The following MTUS2 variants were observed in gnomAD, a reference collection of about 807,000 sequenced individuals.
MTUS2 encodes microtubule-associated tumor suppressor candidate 2.
In MTUS2, 40 loss-of-function variants were observed where a neutral mutation model predicts 114.1. The observed-to-expected ratio is 0.35, with a 90% CI of 0.27 to 0.46. MTUS2 has a LOEUF of 0.46. MTUS2 is among the 20% of genes least tolerant of loss of function. MTUS2 has a pLI of 1.00. For synonymous variants in MTUS2, 688 were observed against 672.0 expected (o/e 1.02, Z -0.37); for missense variants, 1,679 against 1,705.4 (o/e 0.98, Z 0.27).
At chr13:29,354,455 A>C (rs937064003) in intron 7 of MTUS2, among the ~76,000 whole-genome samples, 1 of 152,132 alleles carries the variant, frequency 6.6e-6, no homozygotes, top group Non-Finnish European at 1.5e-5. Context: ...TAAGTTTCCT[A>C]AAGTTGAAAA....
At chr13:28,916,578 T>C (rs1880757440) in intron 2 of MTUS2, among the ~76,000 whole-genome samples, 1 of 151,898 alleles carries the variant, frequency 6.6e-6, no homozygotes, top group African/African-American at 2.4e-5. Context: ...TAAAATTTCT[T>C]TTTCAGATTG....
intron 2 of MTUS2, among the ~76,000 whole-genome samples, chr13:28,915,239 C>T (rs1351134585): frequency 6.6e-6 from 1 of 151,844 alleles, no homozygotes; most frequent in Non-Finnish European, 1.5e-5. Context: ...CTATTTTGAG[C>T]AGTGCTGCAA....
chr13:29,079,334 T>C (rs144582892), intron 4 of MTUS2, among the ~76,000 whole-genome samples: 8 of 152,352 alleles, frequency 5.3e-5, no homozygotes, highest in Middle Eastern at 3.4e-3. Flanking sequence ...TAGACACTTA[T>C]TTGCAAATAT....
intron 2 of MTUS2, among the ~76,000 whole-genome samples, chr13:28,940,323 C>A (rs1405923182): frequency 6.6e-6 from 1 of 152,090 alleles, no homozygotes; most frequent in Non-Finnish European, 1.5e-5. Flanking sequence ...TACAGTGTGG[C>A]TTAACCTGAA....
intron 2 of MTUS2, among the ~76,000 whole-genome samples, chr13:28,925,531 G>A (rs1166287471): frequency 2.0e-5 from 3 of 152,144 alleles, no homozygotes; most frequent in Admixed American, 2.0e-4. Flanking sequence ...AAAATCTTAA[G>A]TGCCATTTGA....
intron 2 of MTUS2, among the ~76,000 whole-genome samples, chr13:28,962,991 CT>C (rs2138219423): frequency 6.6e-6 from 1 of 152,272 alleles, no homozygotes; most frequent in South Asian, 2.1e-4. Context: ...CATAAACATA[CT>C]GTAATTGAGC....
chr13:29,065,802 T>C (rs912210067), intron 4 of MTUS2, among the ~76,000 whole-genome samples: 1 of 152,206 alleles, frequency 6.6e-6, no homozygotes, highest in Non-Finnish European at 1.5e-5. Flanking sequence ...ACTTTCTTTA[T>C]CTCTAAAAAT....
At chr13:29,070,463 G>A (rs1888865274) in intron 4 of MTUS2, among the ~76,000 whole-genome samples, 1 of 152,010 alleles carries the variant, frequency 6.6e-6, no homozygotes, top group Non-Finnish European at 1.5e-5. Context: ...GACTTCCAGT[G>A]TTGTTCAAGA....
chr13:29,123,767 A>C (rs1268301724), intron 5 of MTUS2, among the ~76,000 whole-genome samples: 1 of 152,138 alleles, frequency 6.6e-6, no homozygotes, highest in African/African-American at 2.4e-5. Context: ...ATTTTTCTGA[A>C]TGATGTATTG....
chr13:29,421,425 TA>T (rs1334178784), intron 8 of MTUS2, among the ~76,000 whole-genome samples: 1 of 152,190 alleles, frequency 6.6e-6, no homozygotes, highest in Non-Finnish European at 1.5e-5. Flanking sequence ...TCTCTTGAAA[TA>T]AATAGTGAGA....
At position 29,282,376 on chromosome 13, in the gene MTUS2, C is replaced by A. The variant is rs183404147; in HGVS notation, c.2806+511C>A. 2.4e-3 allele frequency among the ~76,000 whole-genome samples: 360 copies of A among 152,356 alleles called. 1 individual carries two copies. The highest frequency in any genetic ancestry group is 4.0e-3 in the Non-Finnish European group (273 of 68,032). On this transcript the variant is annotated intron_variant, in intron 6 of 15. Coordinates refer to ENST00000612955, the MANE Select transcript of MTUS2 (RefSeq NM_001033602.4). ...GGCTCTAGAGCCACACTGGGCCTGC[C>A]AGATTCAGTCCAGCAAAACTGATCC...
At chr13:29,127,470 A>C (rs557011746) in intron 5 of MTUS2, among the ~76,000 whole-genome samples, 1 of 152,196 alleles carries the variant, frequency 6.6e-6, no homozygotes, top group Non-Finnish European at 1.5e-5. Flanking sequence ...GCCTCATCCA[A>C]TCATTTCAAA....
chr13:29,300,433 G>A (rs1390716087), intron 6 of MTUS2, among the ~76,000 whole-genome samples: 1 of 152,158 alleles, frequency 6.6e-6, no homozygotes, highest in African/African-American at 2.4e-5. Flanking sequence ...AATGCAGATG[G>A]TCTTTTGGAG....
At chr13:28,935,411 A>C (rs898921461) in intron 2 of MTUS2, among the ~76,000 whole-genome samples, 6 of 151,998 alleles carry the variant, frequency 3.9e-5, no homozygotes, top group Non-Finnish European at 8.8e-5. Context: ...ACCAATTTAC[A>C]CTACTGTGAG....
intron 4 of MTUS2, among the ~76,000 whole-genome samples, chr13:29,078,302 T>C (rs1889289119): frequency 6.6e-6 from 1 of 152,186 alleles, no homozygotes; most frequent in Non-Finnish European, 1.5e-5. Flanking sequence ...TACAAAACAT[T>C]TATTCCACCT....
At chr13:29,153,749 CTT>C (rs1000734527) in intron 5 of MTUS2, among the ~76,000 whole-genome samples, 2 of 152,216 alleles carry the variant, frequency 1.3e-5, no homozygotes, top group Non-Finnish European at 2.9e-5. Flanking sequence ...TCCTACTTCT[CTT>C]TATTTTCCTC....
intron 5 of MTUS2, among the ~76,000 whole-genome samples, chr13:29,252,349 A>G (rs2989380): frequency 0.016 from 2,453 of 152,232 alleles, 71 homozygotes; most frequent in African/African-American, 0.057. Context: ...CTTATTCACA[A>G]ATAATATAAC....
intron 5 of MTUS2, among the ~76,000 whole-genome samples, chr13:29,130,852 T>C (rs1193789007): frequency 6.6e-6 from 1 of 152,106 alleles, no homozygotes; most frequent in Admixed American, 6.6e-5. Flanking sequence ...TCTCAATCTT[T>C]TGACCGCGTG....
intron 5 of MTUS2, among the ~76,000 whole-genome samples, chr13:29,158,358 C>CCCCCTCTTTT: frequency 6.2e-5 from 2 of 32,048 alleles, no homozygotes; most frequent in Non-Finnish European, 1.0e-4. Flanking sequence ...GTCCACCCCG[C>CCCCCTCTTTT]TTTTTTTTTT....
Sources: gnomAD v4.1 joint callset for allele counts (sites outside exome capture counted in the v4.1 genomes callset) on GRCh38, gnomAD v4.1.1 for gene constraint, MANE v1.5 for transcripts, NCBI Gene and HGNC (gene_info 2026-07-23, HGNC 2026-07-21) for gene names.